The following LARP7 variants were observed in gnomAD, a reference collection of about 807,000 sequenced individuals.
LARP7 encodes the protein La ribonucleoprotein 7, transcriptional regulator.
Under a neutral mutation model 69.3 loss-of-function variants are expected in LARP7, and 52 were observed. The observed-to-expected ratio is 0.75, with a 90% CI of 0.60 to 0.95. The LOEUF (loss-of-function observed/expected upper bound fraction) is 0.95. Ranked by LOEUF, LARP7 falls within the 40% of genes least tolerant of loss-of-function variation. LARP7 has a pLI of 0.00. For synonymous variants in LARP7, 254 were observed against 215.9 expected (o/e 1.18, Z -1.55); for missense variants, 733 against 673.0 (o/e 1.09, Z -0.99).
intron 10 of LARP7, among the ~76,000 whole-genome samples, chr4:112,650,825 A>C (rs1242547588): frequency 6.6e-6 from 1 of 152,146 alleles, no homozygotes; most frequent in Non-Finnish European, 1.5e-5. Context: ...TCTATAGGAA[A>C]ATTGTAACTT....
rs1293813978 is a variant in LARP7 at position 112,646,338 on chromosome 4, T to C, written c.203-13T>C. 1 of 1,285,108 alleles carries C rather than the reference T, an allele frequency of 7.8e-7. No homozygotes were observed. Among genetic ancestry groups the C allele is most frequent in the Middle Eastern group, 2.3e-4 (1 of 4,418 alleles). The allele number at this position is 1,285,108 out of a possible 1,614,324, so 79.6% of individuals were successfully genotyped here. A position where few individuals can be genotyped will look rare whatever the true frequency, so the allele number is the denominator to read the frequency against. ...CTGATACACTAACATATTAACTTTT[T>C]CATTTTCTTTAGATGTTGATATATC... On this transcript the variant is annotated splice_polypyrimidine_tract_variant and intron_variant, in intron 2 of 12. Coordinates refer to ENST00000344442, the MANE Select transcript of LARP7 (RefSeq NM_016648.4).
At chr4:112,656,423 T>G (rs1165453324) in intron 12 of LARP7, among the ~76,000 whole-genome samples, 1 of 151,868 alleles carries the variant, frequency 6.6e-6, no homozygotes, top group Non-Finnish European at 1.5e-5. Context: ...AAATAATATA[T>G]TAAACACAAG....
rs370773173 is a variant in LARP7, at chr4:112,638,796, C to G, written c.-3+1557C>G. Among the ~76,000 whole-genome samples, 16 of 152,286 alleles carry G rather than the reference C, an allele frequency of 1.1e-4. No homozygotes were observed. In the East Asian group the frequency reaches 1.4e-3, roughly 13 times the overall value. ...GAATGTGTCCTTGTCGTTAAGCAAC[C>G]CATGACTGTGCTTAAATCTTTACCG... On this transcript the variant is annotated intron_variant, in intron 1 of 12. Transcript: ENST00000344442.
At chr4:112,649,444 G>A in intron 8 of LARP7, 91 bp from the exon 9 acceptor site, 2 of 1,056,652 alleles carry the variant, frequency 1.9e-6, no homozygotes, top group Non-Finnish European at 2.7e-6. Context: ...TGGAGGAGTT[G>A]CTCCAAGTCA....
At chr4:112,638,321 C>T (rs948929956) in intron 1 of LARP7, among the ~76,000 whole-genome samples, 1 of 152,158 alleles carries the variant, frequency 6.6e-6, no homozygotes, top group Non-Finnish European at 1.5e-5. Flanking sequence ...CATATAATTT[C>T]CTCAGGAGAA....
intron 1 of LARP7, among the ~76,000 whole-genome samples, chr4:112,640,940 A>C (rs921439261): frequency 5.3e-5 from 8 of 152,236 alleles, no homozygotes; most frequent in African/African-American, 1.9e-4. Flanking sequence ...AAGGCCCTGA[A>C]GTGGGAATGG....
chr4:112,648,547 T>G (rs771747691), intron 8 of LARP7: 6 of 527,030 alleles, frequency 1.1e-5, no homozygotes, highest in East Asian at 5.5e-5. Flanking sequence ...CATGTTAAAG[T>G]TGAAGGGAGC....
intron 3 of LARP7, 64 bp from the exon 4 acceptor site, chr4:112,646,524 A>G: frequency 7.9e-7 from 1 of 1,257,892 alleles, no homozygotes; most frequent in Admixed American, 2.3e-5. Flanking sequence ...AATGATTATT[A>G]TATGATTATA....
intron 1 of LARP7, chr4:112,637,851 A>G (rs2149242133): frequency 6.6e-6 from 1 of 152,408 alleles, no homozygotes; most frequent in South Asian, 2.1e-4. Context: ...GAAGATTCAG[A>G]CAAAGCAGAA....
intron 1 of LARP7, 132 bp from the exon 2 acceptor site, chr4:112,644,532 GTTCT>G (rs763468487): frequency 2.2e-5 from 23 of 1,046,624 alleles, no homozygotes; most frequent in Middle Eastern, 3.3e-4. Flanking sequence ...AAAAATGAAT[GTTCT>G]TTCTGTTTGT....
At position 112,646,375 on chromosome 4, in the gene LARP7, CTT is replaced by C. The variant is rs2048240532; in HGVS notation, c.230_231del (p.Phe77Ter). 3.2e-6 allele frequency: 5 copies of C among 1,570,256 alleles called. No homozygotes were observed. The highest frequency in any genetic ancestry group is 4.4e-6 in the Non-Finnish European group (5 of 1,143,222). Reference sequence around the variant, plus strand: ...GATGTTGATATATCACTACTTGTGTCTTTTAACAAAATGAAAAAATTGACTAC... The same window carrying C: ...GATGTTGATATATCACTACTTGTGTCTTAACAAAATGAAAAAATTGACTAC... On this transcript the variant is annotated frameshift_variant, in exon 3 of 13. Transcript: ENST00000344442. LOFTEE classifies it high-confidence loss of function.
intron 12 of LARP7, 97 bp downstream of exon 12, chr4:112,654,256 T>A: frequency 1.2e-6 from 1 of 829,984 alleles, no homozygotes; most frequent in Non-Finnish European, 1.9e-6. Flanking sequence ...GTAGTTTTGC[T>A]ATTACCTAAC....
chr4:112,657,255 C>T lies in LARP7; in HGVS notation c.1677C>T (p.Thr559=), dbSNP rs199558943. The T allele has an allele frequency of 2.3e-5, 36 of 1,548,242 alleles. No homozygotes were observed. In the East Asian group the frequency reaches 7.7e-4, roughly 33 times the overall value. Residue 559 remains threonine, a synonymous_variant, in exon 13 of 13, where the codon ACC becomes ACT. Transcript: ENST00000344442. ...EKKRGTEKLI[T]KAEKIRLAKT... ...GATTTATTTCTCTTTAGTTAATCACCAAAGCTGAAAAGATTAGACTGGCAA... is the reference window on the plus strand; with the variant it reads ...GATTTATTTCTCTTTAGTTAATCACTAAAGCTGAAAAGATTAGACTGGCAA...
chr4:112,646,738 T>G (rs1252567809), intron 4 of LARP7, 53 bp from the exon 5 acceptor site: 5 of 1,552,028 alleles, frequency 3.2e-6, no homozygotes, highest in Non-Finnish European at 4.4e-6. Flanking sequence ...AGTTAAAAAT[T>G]TATTGACATT....
At chr4:112,648,086 A>T (rs762025461) in intron 8 of LARP7, 1 of 598,246 alleles carries the variant, frequency 1.7e-6, no homozygotes, top group Non-Finnish European at 3.3e-6. Flanking sequence ...CCCTTAACAG[A>T]TGTAAAAATA....
At chr4:112,652,983 A>T in intron 10 of LARP7, 94 bp from the exon 11 acceptor site, 1 of 901,242 alleles carries the variant, frequency 1.1e-6, no homozygotes, top group Non-Finnish European at 1.6e-6. Context: ...TGCTTTATTT[A>T]CATAATATAT....
intron 1 of LARP7, chr4:112,637,889 T>C (rs1158973348): frequency 6.6e-6 from 1 of 152,250 alleles, no homozygotes; most frequent in African/African-American, 2.4e-5. Flanking sequence ...GTTGAGGGAC[T>C]TGAGTTGTAA....
intron 8 of LARP7, chr4:112,648,818 CAG>C (rs759432683): frequency 4.6e-6 from 1 of 218,686 alleles, no homozygotes; most frequent in African/African-American, 2.3e-5. Flanking sequence ...TATCAGCTCT[CAG>C]GGAATGTATG....
rs200544616 is a variant in LARP7, at chr4:112,646,956, G to T, written c.552+1G>T. ...AGAACAAGCAGCAAAAGCAATTGAG[G>T]TAAGTCCAGATCCTAAAAAAAAAAA... On this transcript the variant is annotated splice_donor_variant, in intron 5 of 12. Transcript: ENST00000344442. LOFTEE classifies it high-confidence loss of function. The T allele has an allele frequency of 5.6e-5, 90 of 1,596,334 alleles. No homozygotes were observed. The highest frequency in any genetic ancestry group is 6.4e-5 in the Non-Finnish European group (75 of 1,175,560).
Sources: allele counts gnomAD v4.1 joint callset (sites outside exome capture counted in the v4.1 genomes callset), GRCh38; gene constraint gnomAD v4.1.1; transcripts MANE v1.5; gene names NCBI Gene and HGNC (gene_info 2026-07-23, HGNC 2026-07-21).